The following ICA1 variants were observed in gnomAD, a reference collection of about 807,000 sequenced individuals.
ICA1 encodes islet cell autoantigen 1.
In ICA1, 40 loss-of-function variants were observed where a neutral mutation model predicts 71.0. That is an observed-to-expected ratio of 0.56 (90% CI 0.44 to 0.73). The LOEUF (loss-of-function observed/expected upper bound fraction) is 0.73. Ranked by LOEUF, ICA1 falls within the 30% of genes least tolerant of loss-of-function variation. ICA1 has a pLI of 0.00. For missense variants in ICA1, 578 were observed against 576.5 expected, an observed-to-expected ratio of 1.00 and a Z score of -0.03; for synonymous variants, 207 against 209.5, an observed-to-expected ratio of 0.99 and a Z score of 0.10.
chr7:8,122,205 GGT>G (rs1787257215), intron 13 of ICA1, among the ~76,000 whole-genome samples: 1 of 152,154 alleles, frequency 6.6e-6, no homozygotes, highest in South Asian at 2.1e-4. Context: ...GCTGGAGTCG[GGT>G]GTACTGATAG....
At position 8,118,538 on chromosome 7, in the gene ICA1, G is replaced by A. The variant is rs539568679; in HGVS notation, c.1331-4494C>T. ...TTTTTTTTAATGACCAGTATTTGGT[G>A]TAATCCAGGAATAACATAACCTCCC... On this transcript the variant is annotated intron_variant, in intron 13 of 13. Coordinates refer to ENST00000402384, the MANE Select transcript of ICA1 (RefSeq NM_001136020.3). 2.6e-5 allele frequency among the ~76,000 whole-genome samples: 4 copies of A among 152,278 alleles called. No individual in the cohort carries two copies. In the South Asian group the frequency reaches 6.2e-4, roughly 24 times the overall value.
At chr7:8,156,865 G>A (rs956608662) in intron 8 of ICA1, 3 of 1,512,912 alleles carry the variant, frequency 2.0e-6, no homozygotes, top group Admixed American at 2.4e-5. Flanking sequence ...GTATCTCAAG[G>A]TTCAAGGTTC....
rs1287842514 is a variant in ICA1, at chr7:8,123,210, T to C, written c.1330+4663A>G. ...ACATGCATTCCTTTGTTTTGGACTCTTAGAGCTTAAAGTAGGGGGAAAAGA... is the reference window on the plus strand; with the variant it reads ...ACATGCATTCCTTTGTTTTGGACTCCTAGAGCTTAAAGTAGGGGGAAAAGA... On this transcript the variant is annotated intron_variant, in intron 13 of 13. Transcript: ENST00000402384. This position sits in a 1 kb window ranked among gnomAD's most constrained non-coding sequence, Gnocchi z 4.1. Among the ~76,000 whole-genome samples the C allele has an allele frequency of 2.0e-5, 3 of 152,208 alleles. No individual in the cohort carries two copies. Among genetic ancestry groups the C allele is most frequent in the Non-Finnish European group, 4.4e-5 (3 of 68,034 alleles).
At chr7:8,261,954 C>G (rs1360027393) in intron 1 of ICA1, 140 bp downstream of exon 1, 2 of 152,420 alleles carry the variant, frequency 1.3e-5, no homozygotes, top group African/African-American at 2.4e-5. Context: ...GGAGGCGACT[C>G]GCCTATCACG....
At chr7:8,229,113 T>C (rs1016489142) in intron 3 of ICA1, among the ~76,000 whole-genome samples, 4 of 152,202 alleles carry the variant, frequency 2.6e-5, no homozygotes, top group African/African-American at 9.7e-5. Flanking sequence ...CGTTAACTTA[T>C]TTTGTGATCC....
At chr7:8,197,556 A>AC (rs1449140704) in intron 6 of ICA1, among the ~76,000 whole-genome samples, 1 of 134,588 alleles carries the variant, frequency 7.4e-6, no homozygotes, top group African/African-American at 2.7e-5. Context: ...AGAAAAAAAA[A>AC]AAAAAAGAAG....
chr7:8,177,308 G>A (rs1165374709), intron 6 of ICA1, among the ~76,000 whole-genome samples: 2 of 152,102 alleles, frequency 1.3e-5, no homozygotes, highest in East Asian at 1.9e-4. Context: ...CATTCTTAAT[G>A]TTTGCTCAGC....
intron 6 of ICA1, among the ~76,000 whole-genome samples, chr7:8,159,963 A>C (rs995130213): frequency 2.0e-5 from 3 of 152,100 alleles, no homozygotes; most frequent in South Asian, 2.1e-4. Flanking sequence ...GGTTACTGAG[A>C]GTTGGAAGTA....
intron 6 of ICA1, among the ~76,000 whole-genome samples, chr7:8,160,469 G>C (rs1466254250): frequency 1.3e-5 from 2 of 152,154 alleles, no homozygotes; most frequent in Non-Finnish European, 2.9e-5. Flanking sequence ...TGACTCCAAA[G>C]CCATGCTATT....
At chr7:8,212,367 C>G (rs1341592344) in intron 6 of ICA1, among the ~76,000 whole-genome samples, 1 of 152,164 alleles carries the variant, frequency 6.6e-6, no homozygotes. Context: ...GAGCTTGAGA[C>G]CAGCCTGGCC....
At chr7:8,246,769 C>G (rs552694191) in intron 1 of ICA1, among the ~76,000 whole-genome samples, 3 of 152,202 alleles carry the variant, frequency 2.0e-5, no homozygotes, top group African/African-American at 7.2e-5. Context: ...TTTTTTGAGA[C>G]GGAGTCTCGC....
chr7:8,253,934 A>T (rs1419907678), intron 1 of ICA1, among the ~76,000 whole-genome samples: 4 of 152,228 alleles, frequency 2.6e-5, no homozygotes, highest in African/African-American at 7.2e-5. Context: ...CGTAAGCATA[A>T]TATCAGCCAT....
intron 1 of ICA1, among the ~76,000 whole-genome samples, chr7:8,243,306 C>T (rs905774939): frequency 2.0e-5 from 3 of 152,010 alleles, no homozygotes; most frequent in Admixed American, 6.6e-5. Context: ...ACAGAATCAT[C>T]GACAAAAACC....
Position 8,218,480 on chromosome 7 carries a change from C to T in ICA1, c.404G>A (p.Cys135Tyr), listed in dbSNP as rs2128413288. Residue 135 changes from cysteine (C) to tyrosine (Y), a missense_variant, in exon 6 of 14, where the codon TGT becomes TAT. Physicochemically the swap from Cys to Tyr is radical, Grantham distance 194. Transcript: ENST00000402384. ...AGTCTCCACTTCTTGGTGAAATCGA[C>T]ACAAAGGATTTCGTAAGGCCAACCT... ...QQRLALRNPL[C>Y]RFHQEVETFR... The T allele has an allele frequency of 6.2e-7, 1 of 1,614,118 alleles. No homozygotes were observed. The highest frequency in any genetic ancestry group is 2.2e-5 in the East Asian group (1 of 44,872).
chr7:8,187,623 A>G (rs1431008687), intron 6 of ICA1, among the ~76,000 whole-genome samples: 1 of 152,238 alleles, frequency 6.6e-6, no homozygotes, highest in Non-Finnish European at 1.5e-5. Context: ...TTTACTTTAT[A>G]AACATCTTTA....
intron 6 of ICA1, among the ~76,000 whole-genome samples, chr7:8,174,571 G>A (rs10952093): frequency 0.59 from 89,280 of 151,184 alleles, 26,444 homozygotes; most frequent in South Asian, 0.66. Flanking sequence ...AGGCAGGTGG[G>A]TCGCTTGAGC....
chr7:8,230,092 G>A (rs1269098575), intron 3 of ICA1, among the ~76,000 whole-genome samples: 2 of 152,206 alleles, frequency 1.3e-5, no homozygotes, highest in African/African-American at 2.4e-5. Flanking sequence ...GGCAAGATAA[G>A]AAACATTTCC....
rs777496160 is a variant in ICA1 at position 8,232,654 on chromosome 7, G to A, written c.119C>T (p.Ala40Val). The stretch of plus-strand genomic sequence containing the variant: ...ATGTTCATCTTCCTTCTTCCCTGTG[G>A]CTTTAATAAAGGCCTGCTTCGTCTC... ...YWETKQAFIK[A>V]TGKKEDEHVV... Residue 40 changes from alanine (A) to valine (V), a missense_variant, in exon 3 of 14, where the codon GCC becomes GTC. By Grantham distance (64) the Ala-to-Val change is moderately conservative. Transcript: ENST00000402384. The A allele has an allele frequency of 2.5e-6, 4 of 1,613,400 alleles. No individual in the cohort carries two copies. Among genetic ancestry groups the A allele is most frequent in the Non-Finnish European group, 2.5e-6 (3 of 1,179,714 alleles).
chr7:8,197,614 A>AATT (rs953991306), intron 6 of ICA1, among the ~76,000 whole-genome samples: 1 of 138,520 alleles, frequency 7.2e-6, no homozygotes, highest in Admixed American at 7.4e-5. Context: ...TAATAATAAT[A>AATT]ATGGAGTCTT....
Sources: allele counts gnomAD v4.1 joint callset (sites outside exome capture counted in the v4.1 genomes callset), GRCh38; gene constraint gnomAD v4.1.1; non-coding constraint Gnocchi (gnomAD v3.1); transcripts MANE v1.5; gene names NCBI Gene and HGNC (gene_info 2026-07-23, HGNC 2026-07-21).